The following PAPPA variants were observed in gnomAD, a reference collection of about 807,000 sequenced individuals.
PAPPA encodes the protein pappalysin-1.
A neutral mutation model predicts 164.0 loss-of-function variants in PAPPA; 60 were observed. The ratio of observed to expected loss-of-function variants is 0.37; its 90% confidence interval spans 0.30 to 0.45. The LOEUF (loss-of-function observed/expected upper bound fraction) is 0.45. PAPPA is among the 20% of genes least tolerant of loss of function. The pLI is 1.00. For synonymous variants in PAPPA, 875 were observed against 814.1 expected, an observed-to-expected ratio of 1.07 and a Z score of -1.27; for missense variants, 1,782 against 2,087.3, an observed-to-expected ratio of 0.85 and a Z score of 2.85.
At chr9:116,335,931 G>A (rs1447187358) in intron 13 of PAPPA, among the ~76,000 whole-genome samples, 1 of 152,188 alleles carries the variant, frequency 6.6e-6, no homozygotes, top group Non-Finnish European at 1.5e-5. Context: ...TATTAAAGAA[G>A]AATATTTATA....
intron 8 of PAPPA, among the ~76,000 whole-genome samples, chr9:116,267,440 G>A (rs1845080592): frequency 1.3e-5 from 2 of 152,246 alleles, no homozygotes; most frequent in Admixed American, 6.5e-5. Context: ...AACATGATCA[G>A]ATGATTGGTA....
At chr9:116,167,516 A>T (rs552913376) in intron 1 of PAPPA, among the ~76,000 whole-genome samples, 48 of 152,230 alleles carry the variant, frequency 3.2e-4, no homozygotes, top group African/African-American at 1.1e-3. Context: ...ATGTTTTTGG[A>T]TTCTTGTTTT....
chr9:116,281,513 C>A (rs1452286097), intron 9 of PAPPA, among the ~76,000 whole-genome samples: 1 of 152,114 alleles, frequency 6.6e-6, no homozygotes, highest in Non-Finnish European at 1.5e-5. Context: ...CACTCTGAGG[C>A]TAAAAAGGGT....
chr9:116,335,721 C>A (rs1846053270), intron 13 of PAPPA, among the ~76,000 whole-genome samples: 1 of 152,144 alleles, frequency 6.6e-6, no homozygotes, highest in Non-Finnish European at 1.5e-5. Flanking sequence ...TTTGGGAATA[C>A]TCTTACTTGG....
chr9:116,186,467 T>G (rs2118625598), intron 1 of PAPPA, among the ~76,000 whole-genome samples: 1 of 152,290 alleles, frequency 6.6e-6, no homozygotes, highest in African/African-American at 2.4e-5. Context: ...AGTTTAGCTC[T>G]GAAGTGTGTT....
At chr9:116,274,610 C>T (rs559908779) in intron 9 of PAPPA, among the ~76,000 whole-genome samples, 4 of 152,264 alleles carry the variant, frequency 2.6e-5, no homozygotes, top group Admixed American at 1.3e-4. Flanking sequence ...TTGGCTAAGC[C>T]TCAGTGTTCT....
At chr9:116,293,263 G>A (rs1020590671) in intron 9 of PAPPA, among the ~76,000 whole-genome samples, 7 of 152,160 alleles carry the variant, frequency 4.6e-5, no homozygotes, top group South Asian at 4.1e-4. Flanking sequence ...GGAGGTTTGC[G>A]TTTTTATTAA....
At chr9:116,241,947 A>G (rs1844740991) in intron 7 of PAPPA, among the ~76,000 whole-genome samples, 1 of 151,520 alleles carries the variant, frequency 6.6e-6, no homozygotes, top group Non-Finnish European at 1.5e-5. Flanking sequence ...TTGTTCTTGT[A>G]TGTATTAATT....
chr9:116,342,078 T>A (rs1315034312), intron 13 of PAPPA, among the ~76,000 whole-genome samples: 1 of 152,236 alleles, frequency 6.6e-6, no homozygotes, highest in Non-Finnish European at 1.5e-5. Context: ...AAGAAAGTCA[T>A]CTTTCCCTCT....
Position 116,254,696 on chromosome 9 carries a change from G to C in PAPPA, c.2733-11161G>C, listed in dbSNP as rs184651590. Reference sequence around the variant, plus strand: ...ACTCAGGAAGCTGAGGCAGGAGAATGGCGTGAACCTGGGAGGCGGAGCTTG... The same window carrying C: ...ACTCAGGAAGCTGAGGCAGGAGAATCGCGTGAACCTGGGAGGCGGAGCTTG... On this transcript the variant is annotated intron_variant, in intron 7 of 21. Coordinates refer to ENST00000328252, the MANE Select transcript of PAPPA (RefSeq NM_002581.5). Among the ~76,000 whole-genome samples the C allele has an allele frequency of 2.7e-3, 409 of 150,662 alleles. 8 individuals are homozygous for C. The highest frequency in any genetic ancestry group is 0.025 in the East Asian group (122 of 4,882).
At chr9:116,267,864 A>T (rs1386183447) in intron 8 of PAPPA, among the ~76,000 whole-genome samples, 2 of 131,830 alleles carry the variant, frequency 1.5e-5, no homozygotes, top group Non-Finnish European at 3.1e-5. Context: ...CCTGGGCGAC[A>T]GAGCGAGACT....
chr9:116,290,428 A>G (rs1845421877), intron 9 of PAPPA, among the ~76,000 whole-genome samples: 1 of 151,730 alleles, frequency 6.6e-6, no homozygotes, highest in African/African-American at 2.4e-5. Context: ...AAAGGGCAAA[A>G]TGTCAAGAAC....
At chr9:116,204,399 G>C (rs982282329) in intron 2 of PAPPA, among the ~76,000 whole-genome samples, 4 of 152,110 alleles carry the variant, frequency 2.6e-5, no homozygotes, top group African/African-American at 9.7e-5. Flanking sequence ...TCTGGGAAGT[G>C]AGTAATGTTT....
chr9:116,204,304 A>C (rs887299238), intron 2 of PAPPA, among the ~76,000 whole-genome samples: 6 of 152,210 alleles, frequency 3.9e-5, no homozygotes, highest in Non-Finnish European at 7.3e-5. Flanking sequence ...AGACTAATAC[A>C]TGCACAGAGT....
At chr9:116,177,523 T>C (rs1843851550) in intron 1 of PAPPA, among the ~76,000 whole-genome samples, 1 of 152,164 alleles carries the variant, frequency 6.6e-6, no homozygotes, top group Admixed American at 6.6e-5. Context: ...AAGGGGATGA[T>C]TAAATAACCA....
chr9:116,349,603 A>C (rs940586478), intron 15 of PAPPA, among the ~76,000 whole-genome samples: 1 of 152,192 alleles, frequency 6.6e-6, no homozygotes, highest in Non-Finnish European at 1.5e-5. Context: ...TAATCTTTTA[A>C]ATGAAGTAAT....
At position 116,333,569 on chromosome 9, in the gene PAPPA, T is replaced by C. The variant is rs540424345; in HGVS notation, c.3397+1101T>C. On this transcript the variant is annotated intron_variant, in intron 12 of 21. Transcript: ENST00000328252. Reference sequence around the variant, plus strand: ...GGCAAGGGGTCATTTCAGGGTCAGATAAAAGCCAAGGGAGCAGGGAAGATT... The same window carrying C: ...GGCAAGGGGTCATTTCAGGGTCAGACAAAAGCCAAGGGAGCAGGGAAGATT... Among the ~76,000 whole-genome samples, 41 of 152,296 alleles carry C rather than the reference T, an allele frequency of 2.7e-4. No homozygotes were observed. In the South Asian group the frequency reaches 7.7e-3, roughly 28 times the overall value.
intron 7 of PAPPA, among the ~76,000 whole-genome samples, chr9:116,237,008 T>C (rs1036166159): frequency 1.3e-5 from 2 of 152,266 alleles, no homozygotes; most frequent in Non-Finnish European, 2.9e-5. Context: ...ATGGTTTCTA[T>C]AGGCCTTTTG....
chr9:116,347,753 C>T lies in PAPPA; in HGVS notation c.3964+544C>T, dbSNP rs1231464984. On this transcript the variant is annotated intron_variant, in intron 15 of 21. Coordinates refer to ENST00000328252, the MANE Select transcript of PAPPA (RefSeq NM_002581.5). This position sits in a 1 kb window ranked among gnomAD's most constrained non-coding sequence, Gnocchi z 4.5. Reference sequence around the variant, plus strand: ...GAGGGGCCAGCTGGGCAGAGAAGAGCAGATATGGACAGGAAGCATCTGGCA... The same window carrying T: ...GAGGGGCCAGCTGGGCAGAGAAGAGTAGATATGGACAGGAAGCATCTGGCA... Among the ~76,000 whole-genome samples, 1 of 152,098 alleles carries T rather than the reference C, an allele frequency of 6.6e-6. No homozygotes were observed. The highest frequency in any genetic ancestry group is 1.5e-5 in the Non-Finnish European group (1 of 68,028).
Sources: allele counts gnomAD v4.1 joint callset (sites outside exome capture counted in the v4.1 genomes callset), GRCh38; gene constraint gnomAD v4.1.1; non-coding constraint Gnocchi (gnomAD v3.1); transcripts MANE v1.5; gene names NCBI Gene and HGNC (gene_info 2026-07-23, HGNC 2026-07-21).